Variants in RBFOX1 observed in about 807,000 individuals in gnomAD.
RBFOX1 encodes the protein RNA binding protein fox-1 homolog 1.
Under a neutral mutation model 57.7 loss-of-function variants are expected in RBFOX1, and 8 were observed. That is an observed-to-expected ratio of 0.14 (90% confidence interval 0.08 to 0.25). The LOEUF is 0.25. RBFOX1 is among the 10% of genes least tolerant of loss of function. The pLI is 1.00. For synonymous variants in RBFOX1, 326 were observed against 222.4 expected, an observed-to-expected ratio of 1.47 and a Z score of -4.15; for missense variants, 611 against 548.5, an observed-to-expected ratio of 1.11 and a Z score of -1.14.
In RBFOX1 at chr16:6,841,414, C is replaced by T. The variant is rs1343154859; in HGVS notation, c.-16+186764C>T. Among the ~76,000 whole-genome samples the T allele has an allele frequency of 3.9e-5, 6 of 152,130 alleles. 1 individual carries two copies. The highest frequency in any genetic ancestry group is 3.3e-4 in the Admixed American group (5 of 15,282). ...AGAGCCCAGAGTGTTAATTGACATC[C>T]TGTTTTCCATAATTTTTTTCTTTTG... On this transcript the variant is annotated intron_variant, in intron 3 of 15. Transcript: ENST00000550418.
intron 2 of RBFOX1, among the ~76,000 whole-genome samples, chr16:6,326,692 C>G (rs1406868710): frequency 1.3e-5 from 2 of 152,064 alleles, no homozygotes; most frequent in African/African-American, 4.8e-5. Context: ...GCATTAATAA[C>G]AGAAACGTCC....
chr16:6,859,177 A>ATATATATACGTATATATATG (rs1567593574), intron 3 of RBFOX1, among the ~76,000 whole-genome samples: 1 of 82,008 alleles, frequency 1.2e-5, no homozygotes, highest in African/African-American at 5.5e-5. Flanking sequence ...ATATATATGT[A>ATATATATACGTATATATATG]TATATATGTA....
At chr16:6,730,767 C>G (rs1171104997) in intron 3 of RBFOX1, among the ~76,000 whole-genome samples, 1 of 152,162 alleles carries the variant, frequency 6.6e-6, no homozygotes, top group African/African-American at 2.4e-5. Flanking sequence ...GTTAGGAATT[C>G]TAGAGTTGGA....
intron 4 of RBFOX1, among the ~76,000 whole-genome samples, chr16:7,108,218 G>T (rs574562747): frequency 6.6e-6 from 1 of 152,162 alleles, no homozygotes. Context: ...ATGAGCATCA[G>T]CTCTGGAATC....
intron 1 of RBFOX1, among the ~76,000 whole-genome samples, chr16:5,246,027 C>T (rs976838725): frequency 6.6e-6 from 1 of 152,104 alleles, no homozygotes; most frequent in African/African-American, 2.4e-5. Context: ...TCGGATCACC[C>T]AAGGGCAGGA....
intron 15 of RBFOX1, chr16:7,710,119 A>G (rs2148617742): frequency 3.0e-6 from 3 of 1,012,814 alleles, no homozygotes; most frequent in Non-Finnish European, 3.5e-6. Flanking sequence ...CAAGCAATTC[A>G]TCTGTACAAC....
chr16:6,631,383 G>A (rs888554260), intron 2 of RBFOX1, among the ~76,000 whole-genome samples: 1 of 151,788 alleles, frequency 6.6e-6, no homozygotes, highest in Non-Finnish European at 1.5e-5. Context: ...ATATTTTTTA[G>A]AAAACACTTT....
At chr16:6,859,625 C>T (rs1057288201) in intron 3 of RBFOX1, among the ~76,000 whole-genome samples, 3 of 152,026 alleles carry the variant, frequency 2.0e-5, no homozygotes, top group East Asian at 1.9e-4. Context: ...CTCTCTGTGT[C>T]GATAACCTCC....
intron 3 of RBFOX1, among the ~76,000 whole-genome samples, chr16:6,758,144 G>T (rs898774240): frequency 6.6e-6 from 1 of 152,044 alleles, no homozygotes; most frequent in Non-Finnish European, 1.5e-5. Context: ...TTGAAACTTT[G>T]TGGTCAGACT....
intron 4 of RBFOX1, chr16:7,422,667 G>T (rs2098553715): frequency 6.6e-6 from 1 of 152,192 alleles, no homozygotes; most frequent in Non-Finnish European, 1.5e-5. Flanking sequence ...GCACCTTAAG[G>T]CATGGGGAGG....
At chr16:6,744,813 G>C (rs2073182675) in intron 3 of RBFOX1, among the ~76,000 whole-genome samples, 1 of 152,024 alleles carries the variant, frequency 6.6e-6, no homozygotes, top group Non-Finnish European at 1.5e-5. Context: ...ACTAAATTAA[G>C]TAGAAGATAG....
intron 1 of RBFOX1, among the ~76,000 whole-genome samples, chr16:6,305,218 C>G (rs188777155): frequency 1.3e-5 from 2 of 152,230 alleles, no homozygotes; most frequent in Admixed American, 1.3e-4. Context: ...TATAGCACAA[C>G]TGCCATTCAG....
At chr16:6,141,613 A>G (rs1251017368) in intron 1 of RBFOX1, among the ~76,000 whole-genome samples, 1 of 151,584 alleles carries the variant, frequency 6.6e-6, no homozygotes, top group East Asian at 1.9e-4. Context: ...TGTTTATTTC[A>G]CTCCCAAATA....
intron 14 of RBFOX1, among the ~76,000 whole-genome samples, chr16:7,704,665 G>A (rs1355010415): frequency 6.6e-6 from 1 of 152,138 alleles, no homozygotes; most frequent in African/African-American, 2.4e-5. Context: ...GAGGGTGAAA[G>A]GTAAATGATC....
At chr16:6,776,262 T>A (rs1362787381) in intron 3 of RBFOX1, among the ~76,000 whole-genome samples, 1 of 151,648 alleles carries the variant, frequency 6.6e-6, no homozygotes, top group Non-Finnish European at 1.5e-5. Flanking sequence ...ATACAAAAAA[T>A]TAGCCGGGCG....
At position 7,545,712 on chromosome 16, in the gene RBFOX1, C is replaced by G. The variant is rs74382851; in HGVS notation, c.270+27323C>G. On this transcript the variant is annotated intron_variant, in intron 5 of 15. Coordinates refer to ENST00000550418, the MANE Select transcript of RBFOX1 (RefSeq NM_018723.4). ...TTGATTTACCTAAGGCTGCTATATT[C>G]TTTCCGAATGTTCTTTCCAGACAGA... 3.3e-3 allele frequency among the ~76,000 whole-genome samples: 503 copies of G among 152,244 alleles called. 1 individual carries two copies. The highest frequency in any genetic ancestry group is 0.011 in the African/African-American group (474 of 41,552).
At chr16:6,023,439 G>A (rs1021835907) in intron 1 of RBFOX1, among the ~76,000 whole-genome samples, 1 of 152,012 alleles carries the variant, frequency 6.6e-6, no homozygotes, top group African/African-American at 2.4e-5. Flanking sequence ...CATATTTTTT[G>A]TATCCAGAAA....
intron 4 of RBFOX1, among the ~76,000 whole-genome samples, chr16:7,197,919 G>C (rs1038543411): frequency 2.7e-5 from 4 of 150,868 alleles, no homozygotes; most frequent in Non-Finnish European, 4.4e-5. Context: ...GGAATTGGGA[G>C]TGTAACTGAA....
intron 1 of RBFOX1, among the ~76,000 whole-genome samples, chr16:6,143,575 G>A (rs2096734913): frequency 6.6e-6 from 1 of 152,152 alleles, no homozygotes; most frequent in South Asian, 2.1e-4. Flanking sequence ...CTTACCATAA[G>A]CATCCAAGTG....
Sources: allele counts gnomAD v4.1 joint callset (sites outside exome capture counted in the v4.1 genomes callset), GRCh38; gene constraint gnomAD v4.1.1; transcripts MANE v1.5; gene names NCBI Gene and HGNC (gene_info 2026-07-23, HGNC 2026-07-21).